HECW1: variants seen among roughly 807,000 people sequenced by gnomAD.
HECW1 encodes the protein E3 ubiquitin-protein ligase HECW1.
Under a neutral mutation model 182.3 loss-of-function variants are expected in HECW1, and 61 were observed. That is an observed-to-expected ratio of 0.33 (90% CI 0.27 to 0.41). The LOEUF (loss-of-function observed/expected upper bound fraction) is 0.41. Among genes scored for constraint, HECW1 ranks in the 10% least tolerant of loss-of-function variants. HECW1 has a pLI of 1.00. For synonymous variants in HECW1, 859 were observed against 832.6 expected (o/e 1.03, Z -0.55); for missense variants, 1,739 against 2,108.9 (o/e 0.82, Z 3.44).
intron 2 of HECW1, among the ~76,000 whole-genome samples, chr7:43,137,109 A>G (rs1450216005): frequency 5.3e-5 from 8 of 152,102 alleles, no homozygotes; most frequent in Admixed American, 2.0e-4. Context: ...CCAGAATTCC[A>G]CTTTCCCTCC....
chr7:43,190,906 G>A (rs934841176), intron 2 of HECW1, among the ~76,000 whole-genome samples: 3 of 152,116 alleles, frequency 2.0e-5, no homozygotes, highest in Admixed American at 6.5e-5. Context: ...ATCCCAAACT[G>A]GAGTCTGTCT....
intron 6 of HECW1, among the ~76,000 whole-genome samples, chr7:43,362,151 A>G (rs866178190): frequency 8.1e-4 from 117 of 144,446 alleles, no homozygotes; most frequent in Non-Finnish European, 1.3e-3. Flanking sequence ...AAAAAAAAAA[A>G]AGAGAGAGAG....
intron 5 of HECW1, among the ~76,000 whole-genome samples, chr7:43,347,392 G>T (rs907054725): frequency 6.6e-6 from 1 of 152,152 alleles, no homozygotes; most frequent in Non-Finnish European, 1.5e-5. Flanking sequence ...AAACTTTGCT[G>T]AATTCTTTTA....
chr7:43,463,644 AT>A lies in HECW1; in HGVS notation c.2652-12del, dbSNP rs774273885. 16 of 1,607,018 alleles carry A rather than the reference AT, an allele frequency of 1.0e-5. No individual in the cohort carries two copies. The East Asian group carries it at 2.7e-4, about 27-fold the overall frequency. On this transcript the variant is annotated splice_polypyrimidine_tract_variant and intron_variant, in intron 13 of 29. Transcript: ENST00000395891. ...AACCAAAGTTAACTCCTGTCTTTCC[AT>A]TTTCTAATGCAAAGGTATCAAAACA...
At chr7:43,123,169 T>A (rs554128329) in intron 2 of HECW1, among the ~76,000 whole-genome samples, 1 of 152,346 alleles carries the variant, frequency 6.6e-6, no homozygotes, top group Non-Finnish European at 1.5e-5. Context: ...GACGCTGGGC[T>A]GGGGGCCATT....
intron 8 of HECW1, among the ~76,000 whole-genome samples, chr7:43,415,203 A>G (rs1349075871): frequency 6.8e-6 from 1 of 148,068 alleles, no homozygotes; most frequent in African/African-American, 2.5e-5. Flanking sequence ...TTCCTTCAGG[A>G]GCTCTTTTAG....
chr7:43,359,707 T>A (rs1420596192), intron 5 of HECW1, among the ~76,000 whole-genome samples: 3 of 152,224 alleles, frequency 2.0e-5, no homozygotes, highest in South Asian at 2.1e-4. Flanking sequence ...TGAGCACATT[T>A]CAAATGCATG....
chr7:43,198,884 G>T (rs1794778730), intron 2 of HECW1, among the ~76,000 whole-genome samples: 1 of 152,204 alleles, frequency 6.6e-6, no homozygotes, highest in Admixed American at 6.5e-5. Context: ...GAAGTAGGAA[G>T]CACCCTCTCC....
intron 8 of HECW1, among the ~76,000 whole-genome samples, chr7:43,431,249 C>A (rs1197602638): frequency 6.6e-6 from 1 of 152,164 alleles, no homozygotes; most frequent in Non-Finnish European, 1.5e-5. Context: ...ATCACAAGCT[C>A]TCCAGCCCTG....
rs1389473682 is a variant in HECW1 at position 43,557,162 on chromosome 7, G to C, written c.4709+2372G>C. On this transcript the variant is annotated intron_variant, in intron 29 of 29. Coordinates refer to ENST00000395891, the MANE Select transcript of HECW1 (RefSeq NM_015052.5). ...CAGAAACTGTCGTTCGGGAAGACCT[G>C]ACCTGACTATGGCAGGTGACAGGAA... Among the ~76,000 whole-genome samples, 6 of 152,326 alleles carry C rather than the reference G, an allele frequency of 3.9e-5. No homozygotes were observed. In the East Asian group the frequency reaches 1.2e-3, roughly 29 times the overall value.
chr7:43,451,507 G>A (rs1449762128), intron 12 of HECW1, among the ~76,000 whole-genome samples: 2 of 152,002 alleles, frequency 1.3e-5, no homozygotes, highest in Non-Finnish European at 2.9e-5. Flanking sequence ...AACTGTAGTG[G>A]GTAATTAATA....
intron 11 of HECW1, among the ~76,000 whole-genome samples, chr7:43,449,917 T>TTCA (rs1245434374): frequency 1.3e-5 from 2 of 152,236 alleles, no homozygotes; most frequent in African/African-American, 4.8e-5. Flanking sequence ...TCTACATGCC[T>TTCA]GAGGACACCA....
At chr7:43,246,481 G>T (rs1271612256) in intron 3 of HECW1, among the ~76,000 whole-genome samples, 1 of 152,146 alleles carries the variant, frequency 6.6e-6, no homozygotes, top group Non-Finnish European at 1.5e-5. Flanking sequence ...ACCAAGTCTA[G>T]CTCTGCACGT....
chr7:43,261,824 A>ATGGTTT (rs1801206120), intron 3 of HECW1, among the ~76,000 whole-genome samples: 1 of 152,122 alleles, frequency 6.6e-6, no homozygotes. Context: ...CAAAAGAGTA[A>ATGGTTT]CTGGCAGGTT....
rs1352312374 is a variant in HECW1 at position 43,149,423 on chromosome 7, A to G, written c.-32+35032A>G. The stretch of plus-strand genomic sequence containing the variant: ...AAATAACTGTCCAGAATTTTTTGAA[A>G]TGTCCACATCCTGAGAGACAAGGAA... On this transcript the variant is annotated intron_variant, in intron 2 of 29. Transcript: ENST00000395891. Among the ~76,000 whole-genome samples the G allele has an allele frequency of 5.9e-5, 9 of 152,354 alleles. No individual in the cohort carries two copies. The South Asian group carries it at 1.7e-3, about 28-fold the overall frequency.
intron 14 of HECW1, among the ~76,000 whole-genome samples, chr7:43,464,258 A>G (rs34047274): frequency 0.17 from 26,439 of 152,244 alleles, 2,424 homozygotes; most frequent in Middle Eastern, 0.3. Context: ...TTCACAGTAT[A>G]TTGCAAAGGA....
chr7:43,178,613 G>A (rs1476631477), intron 2 of HECW1, among the ~76,000 whole-genome samples: 1 of 152,196 alleles, frequency 6.6e-6, no homozygotes, highest in Non-Finnish European at 1.5e-5. Flanking sequence ...TCACTGTGCA[G>A]AGCGCTGCCT....
chr7:43,507,238 C>A lies in HECW1; in HGVS notation c.3733C>A (p.Gln1245Lys). 1.2e-6 allele frequency: 2 copies of A among 1,613,546 alleles called. No homozygotes were observed. Among genetic ancestry groups the A allele is most frequent in the South Asian group, 2.2e-5 (2 of 91,028 alleles). ...YRKLEAKGFG[Q>K]GPGKIKLIIR... ...AAAACTGGAAGCCAAAGGATTTGGT[C>A]AGGGTCCGGGGAAAATTAAGTGAGT... Residue 1245 changes from glutamine (Q) to lysine (K), a missense_variant, in exon 22 of 30, where the codon CAG becomes AAG. Transcript: ENST00000395891.
intron 6 of HECW1, among the ~76,000 whole-genome samples, chr7:43,395,911 C>T (rs2075214720): frequency 6.6e-6 from 1 of 152,204 alleles, no homozygotes; most frequent in Admixed American, 6.5e-5. Context: ...ACTGAACCCA[C>T]ACAATCTACA....
Sources: gnomAD v4.1 joint callset for allele counts (sites outside exome capture counted in the v4.1 genomes callset) on GRCh38, gnomAD v4.1.1 for gene constraint, MANE v1.5 for transcripts, NCBI Gene and HGNC (gene_info 2026-07-23, HGNC 2026-07-21) for gene names.